GRIK4: variants seen among roughly 807,000 people sequenced by gnomAD.
The protein encoded by GRIK4 is glutamate receptor ionotropic, kainate 4.
Under a neutral mutation model 104.9 loss-of-function variants are expected in GRIK4, and 40 were observed. The ratio of observed to expected loss-of-function variants is 0.38; its 90% CI spans 0.30 to 0.50. The LOEUF is 0.50. GRIK4 is among the 20% of genes least tolerant of loss of function. The probability of loss-of-function intolerance (pLI) is 0.93; values close to 1 mark genes in which losing one functional copy is unlikely to be tolerated. For synonymous variants in GRIK4, 485 were observed against 524.9 expected (o/e 0.92, Z 1.04); for missense variants, 1,047 against 1,308.1 (o/e 0.80, Z 3.08).
intron 19 of GRIK4, among the ~76,000 whole-genome samples, chr11:120,974,799 A>G (rs1195559407): frequency 1.3e-5 from 2 of 152,228 alleles, no homozygotes; most frequent in East Asian, 3.8e-4. Context: ...GAAACGGCAG[A>G]TCCTGTGGAA....
intron 1 of GRIK4, among the ~76,000 whole-genome samples, chr11:120,561,394 G>A (rs1047483310): frequency 2.6e-5 from 4 of 152,208 alleles, no homozygotes; most frequent in South Asian, 2.1e-4. Context: ...TCATGCTTTC[G>A]CCTCTCTTCC....
At chr11:120,741,231 T>C (rs1951325453) in intron 3 of GRIK4, among the ~76,000 whole-genome samples, 1 of 151,332 alleles carries the variant, frequency 6.6e-6, no homozygotes, top group Admixed American at 6.6e-5. Flanking sequence ...GAAACTGGCC[T>C]CAGTTTACAC....
intron 1 of GRIK4, among the ~76,000 whole-genome samples, chr11:120,561,702 C>T (rs146672597): frequency 7.9e-5 from 12 of 152,348 alleles, no homozygotes; most frequent in Non-Finnish European, 1.0e-4. Context: ...TACTACCACA[C>T]GATTCTGTCT....
chr11:120,669,842 G>A (rs1381397236), intron 3 of GRIK4, among the ~76,000 whole-genome samples: 2 of 152,146 alleles, frequency 1.3e-5, no homozygotes. Context: ...CAGTCTTAGG[G>A]CTTTAAAGCA....
At chr11:120,634,713 C>T (rs148231996) in intron 1 of GRIK4, among the ~76,000 whole-genome samples, 13 of 152,238 alleles carry the variant, frequency 8.5e-5, no homozygotes, top group East Asian at 1.9e-4. Context: ...AGACAGAGAA[C>T]GGAGTCCGGA....
rs555804637 is a variant in GRIK4, at chr11:120,825,709, G to A, written c.511+5789G>A. On this transcript the variant is annotated intron_variant, in intron 6 of 20. Transcript: ENST00000527524. ...CCACCACTTGGGAGCTGTGTGACAC[G>A]GAGCAGGTCAATCTGCCTCTCTGAG... Among the ~76,000 whole-genome samples the A allele has an allele frequency of 7.0e-4, 106 of 152,326 alleles. 1 individual carries two copies. Among genetic ancestry groups the A allele is most frequent in the Admixed American group, 1.6e-3 (25 of 15,300 alleles).
At chr11:120,754,264 A>G (rs1326731038) in intron 3 of GRIK4, among the ~76,000 whole-genome samples, 6 of 152,164 alleles carry the variant, frequency 3.9e-5, no homozygotes, top group Non-Finnish European at 8.8e-5. Context: ...TGCCTGCCTC[A>G]GCCTCCCAAA....
intron 13 of GRIK4, among the ~76,000 whole-genome samples, chr11:120,920,035 G>C (rs950535279): frequency 6.6e-6 from 1 of 152,108 alleles, no homozygotes; most frequent in South Asian, 2.1e-4. Flanking sequence ...CATACAGGTG[G>C]TAGTAAAATG....
At chr11:120,572,265 T>G (rs1455605676) in intron 1 of GRIK4, among the ~76,000 whole-genome samples, 1 of 152,048 alleles carries the variant, frequency 6.6e-6, no homozygotes, top group South Asian at 2.1e-4. Flanking sequence ...TTCGTCACCT[T>G]GGGGGGTAAG....
chr11:120,541,836 G>A (rs1948039785), intron 1 of GRIK4, among the ~76,000 whole-genome samples: 1 of 152,080 alleles, frequency 6.6e-6, no homozygotes, highest in South Asian at 2.1e-4. Context: ...CTATATTTTG[G>A]AAGATATCCC....
chr11:120,842,487 C>T (rs1953742418), intron 8 of GRIK4, among the ~76,000 whole-genome samples: 1 of 152,204 alleles, frequency 6.6e-6, no homozygotes, highest in Non-Finnish European at 1.5e-5. Context: ...GTTTAATGAT[C>T]ACAAAGCAAT....
At chr11:120,568,504 C>T (rs1948359027) in intron 1 of GRIK4, among the ~76,000 whole-genome samples, 1 of 152,092 alleles carries the variant, frequency 6.6e-6, no homozygotes, top group Non-Finnish European at 1.5e-5. Context: ...TCCCCTGCTT[C>T]AGCCTCCCAG....
intron 8 of GRIK4, among the ~76,000 whole-genome samples, chr11:120,855,688 G>T (rs776378658): frequency 6.6e-6 from 1 of 152,002 alleles, no homozygotes; most frequent in African/African-American, 2.4e-5. Context: ...CTCCCAAGTA[G>T]CTGGGACTAC....
chr11:120,561,166 C>G lies in GRIK4; in HGVS notation c.-159+49279C>G, dbSNP rs1948233422. Reference sequence around the variant, plus strand: ...TGTCTAGTCCCCTGGTGTGTGGTCTCTGGGTAAGGAGGGGTGGGGTGGGAC... The same window carrying G: ...TGTCTAGTCCCCTGGTGTGTGGTCTGTGGGTAAGGAGGGGTGGGGTGGGAC... On this transcript the variant is annotated intron_variant, in intron 1 of 20. Transcript: ENST00000527524. 2.3e-5 allele frequency among the ~76,000 whole-genome samples: 3 copies of G among 128,886 alleles called. 1 individual carries two copies. The South Asian group carries it at 8.3e-4, about 36-fold the overall frequency. The allele number at this position is 128,886 out of a possible 152,430, so 84.6% of individuals were successfully genotyped here. A position where few individuals can be genotyped will look rare whatever the true frequency, so the allele number is the denominator to read the frequency against.
At chr11:120,564,189 C>T (rs994631721) in intron 1 of GRIK4, among the ~76,000 whole-genome samples, 3 of 152,234 alleles carry the variant, frequency 2.0e-5, no homozygotes, top group East Asian at 1.9e-4. Flanking sequence ...GCCTTGGTTA[C>T]TCTGGCAACT....
At chr11:120,879,531 G>A (rs996274770) in intron 11 of GRIK4, among the ~76,000 whole-genome samples, 1 of 152,214 alleles carries the variant, frequency 6.6e-6, no homozygotes, top group Non-Finnish European at 1.5e-5. Flanking sequence ...TTTAAAAATA[G>A]TCTATCAGAA....
intron 14 of GRIK4, among the ~76,000 whole-genome samples, chr11:120,943,972 C>T (rs1453694576): frequency 6.6e-6 from 1 of 152,160 alleles, no homozygotes; most frequent in Non-Finnish European, 1.5e-5. Flanking sequence ...GGGATATTTA[C>T]CTTCTTCCTA....
rs368894597 is a variant in GRIK4, at chr11:120,927,371, A to G, written c.1477-12976A>G. On this transcript the variant is annotated intron_variant, in intron 13 of 20. Coordinates refer to ENST00000527524, the MANE Select transcript of GRIK4 (RefSeq NM_014619.5). ...CACTTGAGGTCAGAAGTTCGAGACC[A>G]GCCTCGCCAACATGGCAAAACCCCA... 3.3e-5 allele frequency among the ~76,000 whole-genome samples: 4 copies of G among 122,202 alleles called. No individual in the cohort carries two copies. In the East Asian group the frequency reaches 9.0e-4, roughly 28 times the overall value. 80.2% of individuals were successfully genotyped at this position (122,202 alleles called of 152,430 possible).
chr11:120,769,729 A>G (rs1307719659), intron 3 of GRIK4, among the ~76,000 whole-genome samples: 1 of 152,232 alleles, frequency 6.6e-6, no homozygotes, highest in East Asian at 1.9e-4. Flanking sequence ...TTGCTGTTGT[A>G]TAATGAAGGA....
Sources: allele counts gnomAD v4.1 joint callset (sites outside exome capture counted in the v4.1 genomes callset), GRCh38; gene constraint gnomAD v4.1.1; transcripts MANE v1.5; gene names NCBI Gene and HGNC (gene_info 2026-07-23, HGNC 2026-07-21).